The following NSD3 variants were observed in gnomAD, a reference collection of about 807,000 sequenced individuals.
The protein encoded by NSD3 is histone-lysine N-methyltransferase NSD3.
NSD3 carries 24 observed loss-of-function variants against 160.8 expected under a neutral mutation model. The observed-to-expected ratio is 0.15, with a 90% CI of 0.11 to 0.21. The LOEUF (loss-of-function observed/expected upper bound fraction) is 0.21. NSD3 is among the 10% of genes least tolerant of loss of function. The pLI is 1.00. For synonymous variants in NSD3, 520 were observed against 600.0 expected, an observed-to-expected ratio of 0.87 and a Z score of 1.95; for missense variants, 1,157 against 1,735.9, an observed-to-expected ratio of 0.67 and a Z score of 5.93.
chr8:38,379,931 A>G (rs933838305), intron 1 of NSD3, among the ~76,000 whole-genome samples: 3 of 152,274 alleles, frequency 2.0e-5, no homozygotes, highest in Non-Finnish European at 4.4e-5. Flanking sequence ...TTTAAACCTT[A>G]GAATAGTAAT....
intron 19 of NSD3, among the ~76,000 whole-genome samples, chr8:38,285,977 C>A (rs1403667101): frequency 6.6e-6 from 1 of 152,162 alleles, no homozygotes; most frequent in Admixed American, 6.5e-5. Flanking sequence ...CCACAGTTAT[C>A]CTTTCGAAAC....
chr8:38,275,263 G>A lies in NSD3; in HGVS notation c.*378C>T, dbSNP rs1808571849. The A allele has an allele frequency of 7.7e-6, 2 of 258,736 alleles. No individual in the cohort carries two copies. Among genetic ancestry groups the A allele is most frequent in the Admixed American group, 1.0e-4 (2 of 20,032 alleles). 16.0% of individuals were successfully genotyped at this position (258,736 alleles called of 1,614,324 possible). On this transcript the variant is annotated 3_prime_UTR_variant, in exon 24 of 24. Transcript: ENST00000317025. ...AAATGAAAATAAATAAAGGAATGATGGCTACTTTTGCTTTATACAACCAAG... is the reference window on the plus strand; with the variant it reads ...AAATGAAAATAAATAAAGGAATGATAGCTACTTTTGCTTTATACAACCAAG...
chr8:38,366,192 T>C (rs1811101372), intron 1 of NSD3, among the ~76,000 whole-genome samples: 1 of 151,852 alleles, frequency 6.6e-6, no homozygotes, highest in South Asian at 2.1e-4. Context: ...CAATCTATAG[T>C]CTGCTAGTAA....
At chr8:38,287,978 A>C (rs1808906029) in intron 19 of NSD3, among the ~76,000 whole-genome samples, 1 of 152,046 alleles carries the variant, frequency 6.6e-6, no homozygotes, top group African/African-American at 2.4e-5. Flanking sequence ...TCATGCTTAT[A>C]ATCCCAGCAC....
chr8:38,302,189 A>G (rs796087621), intron 14 of NSD3, among the ~76,000 whole-genome samples: 1 of 152,250 alleles, frequency 6.6e-6, no homozygotes, highest in Admixed American at 6.5e-5. Flanking sequence ...AAAATTCTGT[A>G]TAAGGCAAGA....
intron 19 of NSD3, among the ~76,000 whole-genome samples, chr8:38,286,880 G>A (rs1195335487): frequency 2.6e-5 from 4 of 152,076 alleles, no homozygotes; most frequent in African/African-American, 4.8e-5. Context: ...GGCAAACAGC[G>A]CCTCCTCAGG....
chr8:38,272,296 T>C lies in NSD3; in HGVS notation c.*3345A>G, dbSNP rs1808500443. On this transcript the variant is annotated 3_prime_UTR_variant, in exon 24 of 24. Transcript: ENST00000317025. The stretch of plus-strand genomic sequence containing the variant: ...TCCCCAACTCAGCCAGTTCTATAGA[T>C]GAGGCCAGATCATTTTTGAGAATTA... 1 of 152,238 alleles carries C rather than the reference T, an allele frequency of 6.6e-6. No homozygotes were observed. The highest frequency in any genetic ancestry group is 1.5e-5 in the Non-Finnish European group (1 of 68,040). The allele number at this position is 152,238 out of a possible 1,614,324, so 9.4% of individuals were successfully genotyped here.
rs746558160 is a variant in NSD3, at chr8:38,318,869, A to G, written c.1855+26T>C. 1 of 1,600,346 alleles carries G rather than the reference A, an allele frequency of 6.2e-7. No individual in the cohort carries two copies. The highest frequency in any genetic ancestry group is 1.1e-5 in the South Asian group (1 of 88,586). On this transcript the variant is annotated intron_variant, in intron 9 of 23. Coordinates refer to ENST00000317025, the MANE Select transcript of NSD3 (RefSeq NM_023034.2). This position sits in a 1 kb window ranked among gnomAD's most constrained non-coding sequence, Gnocchi z 5.3. ...AAATTGGTTTTAATCAAGGAAATGC[A>G]AAGCAACATTATAATATTAACTCAC... is the stretch of plus-strand genomic sequence containing the variant.
At chr8:38,350,074 C>A (rs1810648114) in intron 1 of NSD3, among the ~76,000 whole-genome samples, 1 of 152,126 alleles carries the variant, frequency 6.6e-6, no homozygotes, top group African/African-American at 2.4e-5. Context: ...TTTTCTTAAT[C>A]CAATCTATCA....
Position 38,348,250 on chromosome 8 carries a change from C to T in NSD3, c.-44-35G>A, listed in dbSNP as rs1403159026. 2.7e-6 allele frequency: 4 copies of T among 1,467,336 alleles called. No homozygotes were observed. The African/African-American group carries it at 4.2e-5, about 16-fold the overall frequency. 90.9% of individuals were successfully genotyped at this position (1,467,336 alleles called of 1,614,324 possible). The stretch of plus-strand genomic sequence containing the variant: ...TAAAAGAGGGGATTAGAAGGTGTTA[C>T]TATTCTCATAGGCTAGAGGCTAATC... On this transcript the variant is annotated intron_variant, in intron 1 of 23. Transcript: ENST00000317025.
chr8:38,329,347 C>T lies in NSD3; in HGVS notation c.1581+31G>A. 1 of 1,589,096 alleles carries T rather than the reference C, an allele frequency of 6.3e-7. No homozygotes were observed. Among genetic ancestry groups the T allele is most frequent in the East Asian group, 2.2e-5 (1 of 44,506 alleles). On this transcript the variant is annotated intron_variant, in intron 6 of 23. Transcript: ENST00000317025. The surrounding 1 kb of genome is among the most constrained non-coding windows in gnomAD (Gnocchi z 4.8). ...GGTTGACCACTTTTAAAATACCATC[C>T]CCCAAAAAACTCCACGAAAAAAGGA...
chr8:38,364,178 G>C (rs1811054074), intron 1 of NSD3, among the ~76,000 whole-genome samples: 1 of 152,130 alleles, frequency 6.6e-6, no homozygotes, highest in African/African-American at 2.4e-5. Flanking sequence ...TCAGGGGGCT[G>C]AGGTGGGACG....
intron 6 of NSD3, 98 bp from the exon 7 acceptor site, chr8:38,326,954 C>A: frequency 7.3e-7 from 1 of 1,368,294 alleles, no homozygotes; most frequent in South Asian, 1.6e-5. Flanking sequence ...TCATAATTTG[C>A]TTAAATTTTA....
At chr8:38,314,939 CTGA>C (rs1317228709) in intron 11 of NSD3, among the ~76,000 whole-genome samples, 166 bp from the exon 12 acceptor site, 1 of 152,194 alleles carries the variant, frequency 6.6e-6, no homozygotes, top group Admixed American at 6.5e-5. Flanking sequence ...CCAGAAGATG[CTGA>C]TATTGTTTGT....
intron 20 of NSD3, 89 bp downstream of exon 20, chr8:38,281,378 A>G: frequency 1.5e-6 from 1 of 650,916 alleles, no homozygotes; most frequent in Non-Finnish European, 2.4e-6. Flanking sequence ...AAGAAAAATC[A>G]AATTAAAAGA....
chr8:38,380,060 A>T (rs1490030384), intron 1 of NSD3, among the ~76,000 whole-genome samples: 1 of 152,210 alleles, frequency 6.6e-6, no homozygotes, highest in African/African-American at 2.4e-5. Context: ...AAACCCTGGC[A>T]TCTCAATGAG....
Position 38,319,157 on chromosome 8 carries a change from A to G in NSD3, c.1810-217T>C. ...TGCTGAATATCAAGTGACAACACAC[A>G]GCCACATGCTCTCTAGCAAAGACTT... On this transcript the variant is annotated intron_variant, in intron 8 of 23. Transcript: ENST00000317025. The surrounding 1 kb of genome is among the most constrained non-coding windows in gnomAD (Gnocchi z 4.1). 2.0e-6 allele frequency: 1 copy of G among 510,854 alleles called. No homozygotes were observed. Among genetic ancestry groups the G allele is most frequent in the Non-Finnish European group, 3.5e-6 (1 of 286,550 alleles). The allele number at this position is 510,854 out of a possible 1,614,324, so 31.6% of individuals were successfully genotyped here. A position where few individuals can be genotyped will look rare whatever the true frequency, so the allele number is the denominator to read the frequency against.
chr8:38,319,030 C>A lies in NSD3; in HGVS notation c.1810-90G>T. On this transcript the variant is annotated intron_variant, in intron 8 of 23. Transcript: ENST00000317025. This position sits in a 1 kb window ranked among gnomAD's most constrained non-coding sequence, Gnocchi z 4.1. The stretch of plus-strand genomic sequence containing the variant: ...GAAAAGATACTTTCATCAATCTAAG[C>A]AATGATGAGTGATTAATGTATCTGA... 9.0e-7 allele frequency: 1 copy of A among 1,109,582 alleles called. No individual in the cohort carries two copies. The highest frequency in any genetic ancestry group is 1.3e-6 in the Non-Finnish European group (1 of 753,236). The allele number at this position is 1,109,582 out of a possible 1,614,324, so 68.7% of individuals were successfully genotyped here. A position where few individuals can be genotyped will look rare whatever the true frequency, so the allele number is the denominator to read the frequency against.
At chr8:38,381,258 G>GC (rs930009762) in intron 1 of NSD3, among the ~76,000 whole-genome samples, 1 of 151,810 alleles carries the variant, frequency 6.6e-6, no homozygotes, top group African/African-American at 2.4e-5. Context: ...ATTGCAGCCT[G>GC]CCTCATCCCC....
Sources: allele counts gnomAD v4.1 joint callset (sites outside exome capture counted in the v4.1 genomes callset), GRCh38; gene constraint gnomAD v4.1.1; non-coding constraint Gnocchi (gnomAD v3.1); transcripts MANE v1.5; gene names NCBI Gene and HGNC (gene_info 2026-07-23, HGNC 2026-07-21).